KCNIP4: variants seen among roughly 807,000 people sequenced by gnomAD.
The protein encoded by KCNIP4 is potassium voltage-gated channel interacting protein 4, also known as Kv channel-interacting protein 4.
Under a neutral mutation model 34.0 loss-of-function variants are expected in KCNIP4, and 12 were observed. The observed-to-expected ratio is 0.35, with a 90% confidence interval of 0.23 to 0.57. KCNIP4 has a LOEUF of 0.57. KCNIP4 is among the 20% of genes least tolerant of loss of function. The pLI is 0.83. For missense variants in KCNIP4, 238 were observed against 311.7 expected, an observed-to-expected ratio of 0.76 and a Z score of 1.78; for synonymous variants, 124 against 102.2, an observed-to-expected ratio of 1.21 and a Z score of -1.29.
intron 1 of KCNIP4, among the ~76,000 whole-genome samples, chr4:21,727,758 G>T (rs1715301992): frequency 6.6e-6 from 1 of 152,132 alleles, no homozygotes; most frequent in Non-Finnish European, 1.5e-5. Flanking sequence ...GAACCCAGGA[G>T]GCAGAGGTTG....
intron 1 of KCNIP4, among the ~76,000 whole-genome samples, chr4:21,134,723 T>G (rs1010153283): frequency 6.6e-6 from 1 of 152,236 alleles, no homozygotes; most frequent in African/African-American, 2.4e-5. Flanking sequence ...TCTGAAAATA[T>G]ACATCCCCCA....
intron 1 of KCNIP4, among the ~76,000 whole-genome samples, chr4:21,607,407 G>A (rs953769497): frequency 4.6e-5 from 7 of 152,154 alleles, no homozygotes; most frequent in Admixed American, 2.6e-4. Flanking sequence ...AACATATGGC[G>A]AATGCCTACA....
chr4:21,619,208 C>T (rs1744841207), intron 1 of KCNIP4, among the ~76,000 whole-genome samples: 1 of 152,192 alleles, frequency 6.6e-6, no homozygotes, highest in Admixed American at 6.5e-5. Context: ...ATGCGTTCAA[C>T]ATTTAATGCT....
chr4:21,016,545 T>A (rs1334075780), intron 1 of KCNIP4, among the ~76,000 whole-genome samples: 1 of 152,196 alleles, frequency 6.6e-6, no homozygotes, highest in Non-Finnish European at 1.5e-5. Context: ...TCTGCCCGCC[T>A]CGGCCTCCCA....
chr4:21,291,532 A>G (rs1302502904), intron 1 of KCNIP4, among the ~76,000 whole-genome samples: 3 of 152,118 alleles, frequency 2.0e-5, no homozygotes, highest in African/African-American at 7.2e-5. Context: ...ACACAAGAGA[A>G]GTACAAATGC....
chr4:21,537,022 T>C (rs1196520588), intron 1 of KCNIP4, among the ~76,000 whole-genome samples: 3 of 152,106 alleles, frequency 2.0e-5, no homozygotes, highest in African/African-American at 7.2e-5. Context: ...AAAACAACTA[T>C]GAAATCACAC....
rs184128653 is a variant in KCNIP4, at chr4:21,166,063, A to G, written c.62-283354T>C. Among the ~76,000 whole-genome samples the G allele has an allele frequency of 3.8e-3, 581 of 152,238 alleles. 2 individuals carry two copies. The highest frequency in any genetic ancestry group is 6.5e-3 in the Non-Finnish European group (443 of 68,018). On this transcript the variant is annotated intron_variant, in intron 1 of 8. Transcript: ENST00000382152. ...GAACCTGCAGACACCTTGATCTTAG[A>G]CTTTTCAACCTCCAGAACTGTGAGC...
At chr4:20,749,924 A>G (rs1185160277) in intron 4 of KCNIP4, among the ~76,000 whole-genome samples, 192 bp from the exon 5 acceptor site, 1 of 152,206 alleles carries the variant, frequency 6.6e-6, no homozygotes, top group Non-Finnish European at 1.5e-5. Context: ...AGCAACCTAC[A>G]TAGAGGCCAT....
chr4:20,755,892 G>T (rs546039418), intron 4 of KCNIP4, among the ~76,000 whole-genome samples: 1 of 152,222 alleles, frequency 6.6e-6, no homozygotes, highest in African/African-American at 2.4e-5. Context: ...GGTGGGGTAA[G>T]TTGGGTGGGA....
chr4:21,828,137 A>C (rs890564346), intron 1 of KCNIP4, among the ~76,000 whole-genome samples: 8 of 151,602 alleles, frequency 5.3e-5, no homozygotes, highest in African/African-American at 1.7e-4. Context: ...TTAAAAATAT[A>C]AATTAGGAAT....
At chr4:21,519,753 GTGTA>G (rs200402734) in intron 1 of KCNIP4, among the ~76,000 whole-genome samples, 4,979 of 139,328 alleles carry the variant, frequency 0.036, 395 homozygotes, top group African/African-American at 0.13. Context: ...ACACACGTGT[GTGTA>G]TGTATGTGTG....
intron 1 of KCNIP4, among the ~76,000 whole-genome samples, chr4:20,964,968 A>C (rs1734205936): frequency 6.6e-6 from 1 of 152,138 alleles, no homozygotes; most frequent in Admixed American, 6.6e-5. Flanking sequence ...AGAGGGGTAA[A>C]TCTCTTAGTT....
chr4:21,075,535 G>T (rs898088554), intron 1 of KCNIP4, among the ~76,000 whole-genome samples: 2 of 151,896 alleles, frequency 1.3e-5, no homozygotes, highest in African/African-American at 4.8e-5. Context: ...ATGTGTGTCT[G>T]TGCATATGAG....
At chr4:21,442,398 T>C (rs1214556281) in intron 1 of KCNIP4, among the ~76,000 whole-genome samples, 1 of 152,248 alleles carries the variant, frequency 6.6e-6, no homozygotes, top group Non-Finnish European at 1.5e-5. Context: ...CTATACCCTA[T>C]GGCTTTCCAT....
chr4:21,667,311 T>G (rs977483385), intron 1 of KCNIP4, among the ~76,000 whole-genome samples: 1 of 152,214 alleles, frequency 6.6e-6, no homozygotes, highest in African/African-American at 2.4e-5. Context: ...ACCACCTCTA[T>G]TCTTGATTTC....
intron 5 of KCNIP4, among the ~76,000 whole-genome samples, chr4:20,746,339 AG>A (rs998976780): frequency 6.6e-5 from 10 of 151,732 alleles, no homozygotes; most frequent in Admixed American, 6.6e-4. Context: ...ACACGGACAT[AG>A]GAAGGGGAAC....
At chr4:21,256,987 G>T (rs994751329) in intron 1 of KCNIP4, among the ~76,000 whole-genome samples, 1 of 152,128 alleles carries the variant, frequency 6.6e-6, no homozygotes, top group Non-Finnish European at 1.5e-5. Context: ...TTGAGCACTA[G>T]GACTTTGCTT....
chr4:21,346,159 A>C (rs1717312882), intron 1 of KCNIP4, among the ~76,000 whole-genome samples: 1 of 104,674 alleles, frequency 9.6e-6, no homozygotes, highest in South Asian at 2.9e-4. Context: ...ATAATATATA[A>C]TATATAGAAA....
intron 1 of KCNIP4, among the ~76,000 whole-genome samples, chr4:21,344,769 G>C (rs1319853954): frequency 1.3e-5 from 2 of 152,146 alleles, no homozygotes; most frequent in Non-Finnish European, 2.9e-5. Context: ...ATTGATTACT[G>C]TTGTTATTTT....
Sources: gnomAD v4.1 joint callset for allele counts (sites outside exome capture counted in the v4.1 genomes callset) on GRCh38, gnomAD v4.1.1 for gene constraint, MANE v1.5 for transcripts, NCBI Gene and HGNC (gene_info 2026-07-23, HGNC 2026-07-21) for gene names.